Variants in TMEM123 observed in about 807,000 individuals in gnomAD.
TMEM123 encodes the protein transmembrane protein 123, also known as porimin.
In TMEM123, 16 loss-of-function variants were observed where a neutral mutation model predicts 19.7. That is an observed-to-expected ratio of 0.81 (90% CI 0.55 to 1.23). TMEM123 has a LOEUF of 1.23. TMEM123 is among the 50% of genes most tolerant of loss of function. TMEM123 has a pLI of 0.00. For missense variants in TMEM123, 313 were observed against 257.8 expected (o/e 1.21, Z -1.47); for synonymous variants, 118 against 99.4 (o/e 1.19, Z -1.12).
chr11:102,452,635 C>T lies in TMEM123; in HGVS notation c.-12G>A. 1 of 1,503,222 alleles carries T rather than the reference C, an allele frequency of 6.7e-7. No homozygotes were observed. The highest frequency in any genetic ancestry group is 8.9e-7 in the Non-Finnish European group (1 of 1,124,262). The allele number at this position is 1,503,222 out of a possible 1,614,324, so 93.1% of individuals were successfully genotyped here. ...GCGCCGAGTCCCATTGTTCCGAGGGCAGGATGCGGCAGCCTCGTGGGCTCC... is the reference window on the plus strand; with the variant it reads ...GCGCCGAGTCCCATTGTTCCGAGGGTAGGATGCGGCAGCCTCGTGGGCTCC... On this transcript the variant is annotated 5_prime_UTR_variant, in exon 1 of 5. Transcript: ENST00000398136.
In TMEM123 at chr11:102,406,207, G is replaced by C. The variant is rs536111371; in HGVS notation, c.158-4001C>G. Among the ~76,000 whole-genome samples the C allele has an allele frequency of 3.9e-5, 6 of 152,312 alleles. No individual in the cohort carries two copies. In the South Asian group the frequency reaches 8.3e-4, roughly 21 times the overall value. The stretch of plus-strand genomic sequence containing the variant: ...CTCAGTCTCCTCCAGCCTCCGATAA[G>C]CTAAGGTTGAAGAATCTGAGGCGCA... On this transcript the variant is annotated intron_variant, in intron 2 of 4. Coordinates refer to ENST00000398136, the MANE Select transcript of TMEM123 (RefSeq NM_052932.3).
intron 2 of TMEM123, among the ~76,000 whole-genome samples, chr11:102,427,002 A>C (rs1952134059): frequency 6.6e-6 from 1 of 151,520 alleles, no homozygotes; most frequent in Admixed American, 6.6e-5. Flanking sequence ...TCTAACTATA[A>C]ATGTATTACT....
intron 2 of TMEM123, among the ~76,000 whole-genome samples, chr11:102,422,551 CA>C (rs2135852975): frequency 6.6e-6 from 1 of 152,244 alleles, no homozygotes; most frequent in Non-Finnish European, 1.5e-5. Context: ...AGGAAATCCC[CA>C]AAAAGTGTGC....
intron 2 of TMEM123, among the ~76,000 whole-genome samples, chr11:102,423,473 A>G (rs1327807097): frequency 1.3e-5 from 2 of 152,202 alleles, no homozygotes; most frequent in African/African-American, 4.8e-5. Flanking sequence ...GGAACCTCAT[A>G]TAGAGAACTG....
Position 102,435,206 on chromosome 11 carries a change from C to T in TMEM123, c.157+13606G>A, listed in dbSNP as rs767860789. On this transcript the variant is annotated intron_variant, in intron 2 of 4. Coordinates refer to ENST00000398136, the MANE Select transcript of TMEM123 (RefSeq NM_052932.3). ...ATAAATAAATAATTTTCCACTAGAA[C>T]CTGTATTATCTTTATAATCACAAAA... Among the ~76,000 whole-genome samples, 10 of 151,806 alleles carry T rather than the reference C, an allele frequency of 6.6e-5. 1 individual carries two copies. Among genetic ancestry groups the T allele is most frequent in the Non-Finnish European group, 1.2e-4 (8 of 67,878 alleles).
chr11:102,430,069 T>G (rs1857677330), intron 2 of TMEM123, among the ~76,000 whole-genome samples: 1 of 152,172 alleles, frequency 6.6e-6, no homozygotes, highest in Non-Finnish European at 1.5e-5. Flanking sequence ...CCAGCCAGCA[T>G]GAGTACCTTT....
intron 2 of TMEM123, among the ~76,000 whole-genome samples, chr11:102,447,825 T>C (rs1462993934): frequency 6.6e-6 from 1 of 152,136 alleles, no homozygotes; most frequent in African/African-American, 2.4e-5. Flanking sequence ...AAGGCAGAGA[T>C]AATGAAACAA....
rs138887767 is a variant in TMEM123, at chr11:102,397,651, C to A, written c.*1216G>T. The A allele has an allele frequency of 6.6e-6, 1 of 152,158 alleles. No homozygotes were observed. The highest frequency in any genetic ancestry group is 1.5e-5 in the Non-Finnish European group (1 of 68,018). The allele number at this position is 152,158 out of a possible 1,614,324, so 9.4% of individuals were successfully genotyped here. ...AATCAGGAAGGAGGAAATGTCCTCT[C>A]TAAAAATTCCTCTCAAAACTTTCTA... On this transcript the variant is annotated 3_prime_UTR_variant, in exon 5 of 5. Transcript: ENST00000398136.
intron 2 of TMEM123, among the ~76,000 whole-genome samples, chr11:102,417,109 C>T (rs1952049081): frequency 6.6e-6 from 1 of 152,092 alleles, no homozygotes; most frequent in Admixed American, 6.5e-5. Flanking sequence ...TCTCACCACT[C>T]CTATTCAAGA....
At chr11:102,450,600 GA>G (rs1857927942) in intron 1 of TMEM123, among the ~76,000 whole-genome samples, 1 of 152,140 alleles carries the variant, frequency 6.6e-6, no homozygotes, top group Admixed American at 6.5e-5. Flanking sequence ...TAATACTGTG[GA>G]ATAAAAGTAT....
intron 2 of TMEM123, among the ~76,000 whole-genome samples, chr11:102,418,257 G>C (rs996845697): frequency 2.0e-5 from 3 of 152,112 alleles, no homozygotes; most frequent in African/African-American, 7.2e-5. Context: ...AAAACCTATA[G>C]AATGGGAGAA....
chr11:102,402,459 AC>A (rs1452682243), intron 2 of TMEM123, among the ~76,000 whole-genome samples: 240 of 152,210 alleles, frequency 1.6e-3, no homozygotes, highest in African/African-American at 5.5e-3. Context: ...AAAAAAAAAA[AC>A]AACCCAGAAG....
At chr11:102,432,624 G>A (rs574767570) in intron 2 of TMEM123, among the ~76,000 whole-genome samples, 1 of 152,368 alleles carries the variant, frequency 6.6e-6, no homozygotes, top group Admixed American at 6.5e-5. Context: ...CCGGCTGCAG[G>A]AATTTGCATA....
intron 2 of TMEM123, among the ~76,000 whole-genome samples, chr11:102,429,431 T>C (rs1458646282): frequency 6.6e-6 from 1 of 152,182 alleles, no homozygotes; most frequent in East Asian, 1.9e-4. Flanking sequence ...AGCAAAAACA[T>C]TACATGAGAC....
At chr11:102,425,562 GT>G (rs796386801) in intron 2 of TMEM123, among the ~76,000 whole-genome samples, 498 of 118,084 alleles carry the variant, frequency 4.2e-3, no homozygotes, top group African/African-American at 0.012. Flanking sequence ...CTCCAGGATT[GT>G]TTTTTTTTTT....
At chr11:102,414,645 C>A (rs1952030037) in intron 2 of TMEM123, among the ~76,000 whole-genome samples, 1 of 152,118 alleles carries the variant, frequency 6.6e-6, no homozygotes, top group Non-Finnish European at 1.5e-5. Context: ...GACAAGCAAG[C>A]ACTAAGGGAA....
At chr11:102,401,884 A>T in intron 3 of TMEM123, 32 bp downstream of exon 3, 1 of 1,595,782 alleles carries the variant, frequency 6.3e-7, no homozygotes, top group Non-Finnish European at 8.6e-7. Flanking sequence ...TACTTGCAGC[A>T]TAGGAAAAAA....
chr11:102,419,250 G>A (rs966570428), intron 2 of TMEM123, among the ~76,000 whole-genome samples: 4 of 152,060 alleles, frequency 2.6e-5, no homozygotes, highest in Non-Finnish European at 4.4e-5. Context: ...TACTAAAAAC[G>A]TTCATTCATT....
At chr11:102,442,161 A>G (rs1333989540) in intron 2 of TMEM123, among the ~76,000 whole-genome samples, 1 of 152,244 alleles carries the variant, frequency 6.6e-6, no homozygotes, top group Non-Finnish European at 1.5e-5. Context: ...AAACTATTCC[A>G]ATCAACAGAA....
Sources: gnomAD v4.1 joint callset for allele counts (sites outside exome capture counted in the v4.1 genomes callset) on GRCh38, gnomAD v4.1.1 for gene constraint, MANE v1.5 for transcripts, NCBI Gene and HGNC (gene_info 2026-07-23, HGNC 2026-07-21) for gene names.